Variants in DISC1 observed in about 807,000 individuals in gnomAD.
DISC1 encodes the protein disrupted in schizophrenia 1 protein.
Under a neutral mutation model 84.5 loss-of-function variants are expected in DISC1, and 57 were observed. The ratio of observed to expected loss-of-function variants is 0.67; its 90% CI spans 0.55 to 0.84. The LOEUF (loss-of-function observed/expected upper bound fraction) is 0.84. Among genes scored for constraint, DISC1 ranks in the 40% least tolerant of loss-of-function variants. The probability of loss-of-function intolerance (pLI) is 0.00; values close to 1 mark genes in which losing one functional copy is unlikely to be tolerated. For missense variants in DISC1, 1,000 were observed against 1,057.8 expected (o/e 0.95, Z 0.76); for synonymous variants, 411 against 415.2 (o/e 0.99, Z 0.12).
intron 8 of DISC1, among the ~76,000 whole-genome samples, chr1:231,806,153 T>C (rs896498806): frequency 4.6e-5 from 7 of 152,238 alleles, no homozygotes; most frequent in African/African-American, 1.7e-4. Flanking sequence ...TATATGAACG[T>C]GACGTGGCTT....
chr1:232,036,542 A>T (rs932951009), intron 12 of DISC1, 150 bp from the exon 13 acceptor site: 1 of 649,970 alleles, frequency 1.5e-6, no homozygotes, highest in Non-Finnish European at 2.3e-6. Context: ...GTTTATATTA[A>T]TATTTAATTC....
At chr1:231,943,303 G>A (rs1245785295) in intron 9 of DISC1, among the ~76,000 whole-genome samples, 1 of 152,386 alleles carries the variant, frequency 6.6e-6, no homozygotes, top group East Asian at 1.9e-4. Context: ...ACATGGCGAT[G>A]CACCAGCATT....
rs181418223 is a variant in DISC1 at position 231,826,383 on chromosome 1, A to T, written c.1981+7866A>T. Among the ~76,000 whole-genome samples, 27 of 152,356 alleles carry T rather than the reference A, an allele frequency of 1.8e-4. No individual in the cohort carries two copies. The highest frequency in any genetic ancestry group is 6.5e-4 in the African/African-American group (27 of 41,576). On this transcript the variant is annotated intron_variant, in intron 9 of 12. Coordinates refer to ENST00000439617, the MANE Select transcript of DISC1 (RefSeq NM_018662.3). The surrounding 1 kb of genome is among the most constrained non-coding windows in gnomAD (Gnocchi z 4.2). ...CATAGATTCATAATTACAAAACAAA[A>T]GTCTACAAAAAGTCATCTATTGATG...
At chr1:231,922,831 C>CCTT (rs1373505255) in intron 9 of DISC1, among the ~76,000 whole-genome samples, 1 of 152,140 alleles carries the variant, frequency 6.6e-6, no homozygotes, top group Non-Finnish European at 1.5e-5. Flanking sequence ...CCTCAGAGCA[C>CCTT]CTTCTGTGTT....
chr1:231,720,329 T>C (rs916027360), intron 3 of DISC1, among the ~76,000 whole-genome samples: 3 of 152,108 alleles, frequency 2.0e-5, no homozygotes, highest in African/African-American at 7.2e-5. Flanking sequence ...GGATGTTTTC[T>C]TCTTTACTCT....
chr1:231,827,820 C>A (rs1478761257), intron 9 of DISC1, among the ~76,000 whole-genome samples: 1 of 152,068 alleles, frequency 6.6e-6, no homozygotes, highest in East Asian at 1.9e-4. Flanking sequence ...GGTGGACAAC[C>A]CTGAGTGAAT....
chr1:231,774,866 C>T, intron 6 of DISC1: 1 of 399,132 alleles, frequency 2.5e-6, no homozygotes, highest in Non-Finnish European at 5.0e-6. Context: ...GGACATGATC[C>T]TGTTAACCTA....
intron 9 of DISC1, among the ~76,000 whole-genome samples, 172 bp from the exon 10 acceptor site, chr1:231,958,656 A>C (rs113977909): frequency 2.6e-5 from 4 of 152,112 alleles, no homozygotes; most frequent in African/African-American, 7.2e-5. Flanking sequence ...ATCCTCCCCA[A>C]CTCATGACTT....
At chr1:231,702,172 GC>G in intron 3 of DISC1, 148 bp downstream of exon 3, 1 of 1,409,724 alleles carries the variant, frequency 7.1e-7, no homozygotes, top group Non-Finnish European at 9.2e-7. Flanking sequence ...CTCTTTTACA[GC>G]ATTATTGTTT....
At chr1:231,665,345 G>A (rs1242801121) in intron 1 of DISC1, among the ~76,000 whole-genome samples, 2 of 152,070 alleles carry the variant, frequency 1.3e-5, no homozygotes, top group African/African-American at 2.4e-5. Flanking sequence ...TAAACTTTGA[G>A]TAACACAGCG....
At chr1:231,923,680 C>T (rs972619490) in intron 9 of DISC1, among the ~76,000 whole-genome samples, 1 of 152,184 alleles carries the variant, frequency 6.6e-6, no homozygotes, top group Admixed American at 6.5e-5. Context: ...GGGCTTATTC[C>T]CAAGAACACG....
At chr1:231,943,773 G>A (rs957157431) in intron 9 of DISC1, 2 of 151,160 alleles carry the variant, frequency 1.3e-5, no homozygotes, top group African/African-American at 4.9e-5. Context: ...ACAGAAGCTG[G>A]AATGCAGTGA....
chr1:231,931,884 T>C (rs2090684993), intron 9 of DISC1, among the ~76,000 whole-genome samples: 1 of 152,132 alleles, frequency 6.6e-6, no homozygotes. Context: ...ACTCCTGACC[T>C]CAAGCAATCC....
intron 9 of DISC1, among the ~76,000 whole-genome samples, chr1:231,911,960 G>A (rs183615515): frequency 6.6e-6 from 1 of 151,920 alleles, no homozygotes; most frequent in Admixed American, 6.6e-5. Flanking sequence ...CCACTTGATC[G>A]AATCAGCTAC....
At chr1:231,904,967 A>C (rs1346596698) in intron 9 of DISC1, among the ~76,000 whole-genome samples, 3 of 152,250 alleles carry the variant, frequency 2.0e-5, no homozygotes, top group African/African-American at 7.2e-5. Context: ...TTGAGTCCAC[A>C]CATATGCAAA....
intron 7 of DISC1, among the ~76,000 whole-genome samples, chr1:231,798,145 A>C (rs1188113005): frequency 2.0e-5 from 3 of 151,740 alleles, no homozygotes; most frequent in African/African-American, 7.3e-5. Context: ...ATACACACAC[A>C]CCCCTACCTG....
chr1:231,806,017 T>C (rs2079680180), intron 8 of DISC1, among the ~76,000 whole-genome samples: 1 of 152,226 alleles, frequency 6.6e-6, no homozygotes, highest in Non-Finnish European at 1.5e-5. Flanking sequence ...TCAGGTCTTG[T>C]TTCTTCATCT....
chr1:231,758,545 G>A, intron 4 of DISC1, among the ~76,000 whole-genome samples: 1 of 152,118 alleles, frequency 6.6e-6, no homozygotes, highest in South Asian at 2.1e-4. Flanking sequence ...GCAGCCCCAG[G>A]GGTAGGATGC....
intron 1 of DISC1, among the ~76,000 whole-genome samples, chr1:231,691,725 C>T (rs916140053): frequency 3.3e-5 from 5 of 152,318 alleles, no homozygotes; most frequent in South Asian, 2.1e-4. Flanking sequence ...AACTTCTTTT[C>T]GGATTCTTTG....
Sources: allele counts gnomAD v4.1 joint callset (sites outside exome capture counted in the v4.1 genomes callset), GRCh38; gene constraint gnomAD v4.1.1; non-coding constraint Gnocchi (gnomAD v3.1); transcripts MANE v1.5; gene names NCBI Gene and HGNC (gene_info 2026-07-23, HGNC 2026-07-21).